NRP1: variants seen among roughly 807,000 people sequenced by gnomAD.
The protein encoded by NRP1 is neuropilin-1.
Under a neutral mutation model 106.7 loss-of-function variants are expected in NRP1, and 35 were observed. That is an observed-to-expected ratio of 0.33 (90% CI 0.25 to 0.43). The LOEUF (loss-of-function observed/expected upper bound fraction) is 0.43, where lower values mean the gene tolerates loss of function less well. NRP1 is among the 20% of genes least tolerant of loss of function. The pLI, the probability that NRP1 is intolerant of heterozygous loss-of-function variation, is 1.00. For missense variants in NRP1, 1,024 were observed against 1,170.4 expected (o/e 0.87, Z 1.83); for synonymous variants, 437 against 417.9 (o/e 1.05, Z -0.56).
chr10:33,270,328 A>AT (rs11457192), intron 3 of NRP1, among the ~76,000 whole-genome samples: 20,542 of 142,876 alleles, frequency 0.14, 1,618 homozygotes, highest in Middle Eastern at 0.21. Context: ...TGTTAAATAA[A>AT]TTTTTTTTTT....
intron 2 of NRP1, among the ~76,000 whole-genome samples, chr10:33,291,058 G>GA (rs1294991352): frequency 2.6e-5 from 4 of 152,134 alleles, no homozygotes; most frequent in Non-Finnish European, 5.9e-5. Context: ...TTTAGGAGGG[G>GA]AAAAATCATT....
At chr10:33,209,829 C>T (rs114770698) in intron 9 of NRP1, among the ~76,000 whole-genome samples, 1,573 of 152,298 alleles carry the variant, frequency 0.01, 26 homozygotes, top group African/African-American at 0.035. Flanking sequence ...ACATCTATGC[C>T]CAAGGCCACA....
At chr10:33,230,681 A>T (rs764723166) in intron 6 of NRP1, among the ~76,000 whole-genome samples, 1 of 151,376 alleles carries the variant, frequency 6.6e-6, no homozygotes, top group Non-Finnish European at 1.5e-5. Flanking sequence ...CCGCCCTAGA[A>T]GCCCAAACCC....
chr10:33,282,278 T>G (rs954792732), intron 2 of NRP1, among the ~76,000 whole-genome samples: 1 of 152,166 alleles, frequency 6.6e-6, no homozygotes, highest in Non-Finnish European at 1.5e-5. Context: ...GGCACTAGGG[T>G]GCAATTTCCA....
Position 33,249,432 on chromosome 10 carries a change from T to G in NRP1, c.981+4596A>C, listed in dbSNP as rs979223503. ...GAATGGAGTGAAGGCTACGTTATTT[T>G]TATTTTATAGGAAAAGAAACTCAGT... On this transcript the variant is annotated intron_variant, in intron 6 of 16. Coordinates refer to ENST00000374867, the MANE Select transcript of NRP1 (RefSeq NM_003873.7). 22 of 522,988 alleles carry G rather than the reference T, an allele frequency of 4.2e-5. No homozygotes were observed. The Admixed American group carries it at 4.4e-4, about 10-fold the overall frequency. The allele number at this position is 522,988 out of a possible 1,614,324, so 32.4% of individuals were successfully genotyped here. A position where few individuals can be genotyped will look rare whatever the true frequency, so the allele number is the denominator to read the frequency against.
intron 12 of NRP1, chr10:33,194,460 C>G: frequency 8.2e-6 from 2 of 242,530 alleles, no homozygotes; most frequent in South Asian, 5.6e-5. Flanking sequence ...TCTTCATATT[C>G]TGATGATACC....
At chr10:33,196,573 A>G (rs1836800856) in intron 12 of NRP1, among the ~76,000 whole-genome samples, 1 of 152,166 alleles carries the variant, frequency 6.6e-6, no homozygotes, top group South Asian at 2.1e-4. Flanking sequence ...GAATTTAGGC[A>G]GTGACTCTTC....
At chr10:33,298,258 G>T (rs1173736078) in intron 2 of NRP1, among the ~76,000 whole-genome samples, 2 of 152,134 alleles carry the variant, frequency 1.3e-5, no homozygotes, top group Non-Finnish European at 2.9e-5. Context: ...GTAGACCTCT[G>T]TCATCTCTGC....
intron 9 of NRP1, 175 bp downstream of exon 9, chr10:33,213,211 T>A: frequency 6.6e-7 from 1 of 1,525,122 alleles, no homozygotes; most frequent in South Asian, 1.2e-5. Context: ...AGACATCACT[T>A]TTCATGCCAT....
chr10:33,332,277 A>G (rs569293200), intron 1 of NRP1, among the ~76,000 whole-genome samples: 6 of 152,228 alleles, frequency 3.9e-5, no homozygotes, highest in Non-Finnish European at 7.3e-5. Context: ...TTTGCCAGGA[A>G]GAAATGATGT....
chr10:33,237,576 CTTTT>C (rs36019831), intron 6 of NRP1, among the ~76,000 whole-genome samples: 2 of 99,880 alleles, frequency 2.0e-5, no homozygotes, highest in Non-Finnish European at 1.9e-5. Context: ...TTTCCTTCTT[CTTTT>C]TTTTTTTTTT....
rs564917367 is a variant in NRP1 at position 33,226,433 on chromosome 10, A to C, written c.982-144T>G. 2.2e-3 allele frequency: 1,648 copies of C among 746,026 alleles called. 3 individuals carry two copies. The highest frequency in any genetic ancestry group is 3.5e-3 in the Middle Eastern group (9 of 2,586). 46.2% of individuals were successfully genotyped at this position (746,026 alleles called of 1,614,324 possible). On this transcript the variant is annotated intron_variant, in intron 6 of 16. Transcript: ENST00000374867. The stretch of plus-strand genomic sequence containing the variant: ...TTCCATCGGGTGTCCACAGTCCCTG[A>C]CTCCTCCCTTCCATTCCTTCTTAAA...
chr10:33,299,411 T>TGGAA (rs1845642365), intron 2 of NRP1, among the ~76,000 whole-genome samples: 1 of 152,202 alleles, frequency 6.6e-6, no homozygotes, highest in African/African-American at 2.4e-5. Context: ...CTCTGATCCT[T>TGGAA]GCCTGACAAC....
intron 3 of NRP1, among the ~76,000 whole-genome samples, chr10:33,266,901 G>A (rs1027317613): frequency 1.3e-5 from 2 of 152,030 alleles, no homozygotes; most frequent in Non-Finnish European, 2.9e-5. Flanking sequence ...GCATAGTGGC[G>A]GGCGCCTGTA....
Position 33,270,238 on chromosome 10 carries a change from A to G in NRP1, c.430+437T>C, listed in dbSNP as rs192633272. Among the ~76,000 whole-genome samples the G allele has an allele frequency of 3.9e-5, 6 of 152,236 alleles. No homozygotes were observed. In the East Asian group the frequency reaches 1.2e-3, roughly 29 times the overall value. ...TAAAGTACTTCCCTACATTTTTATA[A>G]TGAGGATATATGTTTTACAAAAGGA... On this transcript the variant is annotated intron_variant, in intron 3 of 16. Coordinates refer to ENST00000374867, the MANE Select transcript of NRP1 (RefSeq NM_003873.7).
At chr10:33,295,765 T>C (rs1312113978) in intron 2 of NRP1, among the ~76,000 whole-genome samples, 2 of 152,170 alleles carry the variant, frequency 1.3e-5, no homozygotes, top group African/African-American at 4.8e-5. Context: ...CATTAGATCA[T>C]TTGGCCTGTT....
rs377300079 is a variant in NRP1 at position 33,274,064 on chromosome 10, A to AACCTTCCCCATTCTAT, written c.249-3224_249-3209dup. ...TATTTTTCTTAAATTTTCTACCTTA[A>AACCTTCCCCATTCTAT]ACCTTCCCCATTCTATAGTAACAGT... On this transcript the variant is annotated intron_variant, in intron 2 of 16. Coordinates refer to ENST00000374867, the MANE Select transcript of NRP1 (RefSeq NM_003873.7). Among the ~76,000 whole-genome samples the AACCTTCCCCATTCTAT allele has an allele frequency of 1.9e-3, 296 of 152,224 alleles. 1 individual carries two copies. The highest frequency in any genetic ancestry group is 6.6e-3 in the African/African-American group (276 of 41,522).
At chr10:33,277,237 G>C (rs1038016429) in intron 2 of NRP1, among the ~76,000 whole-genome samples, 1 of 152,188 alleles carries the variant, frequency 6.6e-6, no homozygotes, top group Non-Finnish European at 1.5e-5. Context: ...ATGTGACAGA[G>C]AGAGACAGAC....
chr10:33,189,697 ATGCCTTTC>A (rs1275493754), intron 13 of NRP1, among the ~76,000 whole-genome samples: 6 of 152,234 alleles, frequency 3.9e-5, no homozygotes, highest in African/African-American at 1.4e-4. Flanking sequence ...AGCAAATGGG[ATGCCTTTC>A]GATAAGCAGC....
Sources: gnomAD v4.1 joint callset for allele counts (sites outside exome capture counted in the v4.1 genomes callset) on GRCh38, gnomAD v4.1.1 for gene constraint, MANE v1.5 for transcripts, NCBI Gene and HGNC (gene_info 2026-07-23, HGNC 2026-07-21) for gene names.